The following TMPRSS11E variants were observed in gnomAD, a reference collection of about 807,000 sequenced individuals.
The protein encoded by TMPRSS11E is transmembrane protease serine 11E.
A neutral mutation model predicts 48.1 loss-of-function variants in TMPRSS11E; 38 were observed. The observed-to-expected ratio is 0.79, with a 90% confidence interval of 0.61 to 1.04. The LOEUF (loss-of-function observed/expected upper bound fraction) is 1.04. TMPRSS11E is among the 50% of genes least tolerant of loss of function. The pLI is 0.00. For synonymous variants in TMPRSS11E, 158 were observed against 171.9 expected (o/e 0.92, Z 0.63); for missense variants, 530 against 510.8 (o/e 1.04, Z -0.36).
intron 1 of TMPRSS11E, among the ~76,000 whole-genome samples, chr4:68,452,872 T>C (rs893520476): frequency 6.6e-6 from 1 of 151,970 alleles, no homozygotes; most frequent in Admixed American, 6.6e-5. Context: ...AAAAACAGGG[T>C]AATGAATTCT....
intron 1 of TMPRSS11E, among the ~76,000 whole-genome samples, chr4:68,448,802 A>C (rs1399247521): frequency 6.6e-6 from 1 of 151,882 alleles, no homozygotes; most frequent in Non-Finnish European, 1.5e-5. Context: ...CCTGATCTGA[A>C]GATTGTATGA....
In TMPRSS11E at chr4:68,471,582, T is replaced by C. The variant is rs1729071785; in HGVS notation, c.449T>C (p.Val150Ala). The change falls in exon 5 of 10, where the codon GTA (valine) becomes GCA (alanine). Residue 150 changes from valine (V) to alanine (A), a missense_variant. By Grantham distance (64) the Val-to-Ala change is moderately conservative (BLOSUM62 0). Coordinates refer to ENST00000305363, the MANE Select transcript of TMPRSS11E (RefSeq NM_014058.4). ...TTACATGAAAAGCTGCAAGATGCTG[T>C]AGGACCCCCTAAAGTAGATCCTCAC... ...LVLHEKLQDA[V>A]GPPKVDPHSV... 6.2e-7 allele frequency: 1 copy of C among 1,609,180 alleles called. No individual in the cohort carries two copies. Among genetic ancestry groups the C allele is most frequent in the African/African-American group, 1.3e-5 (1 of 74,580 alleles).
Position 68,496,747 on chromosome 4 carries a change from T to A in TMPRSS11E, c.1215T>A (p.Gly405=). 1 of 1,613,684 alleles carries A rather than the reference T, an allele frequency of 6.2e-7. No homozygotes were observed. The highest frequency in any genetic ancestry group is 8.5e-7 in the Non-Finnish European group (1 of 1,179,684). ...AATGTGCGAAACCCAACAAGCCTGG[T>A]GTTTATACTAGAGTTACGGCCTTGC... ...GDECAKPNKP[G]VYTRVTALRD... Residue 405 remains glycine (G), a synonymous_variant, in exon 10 of 10, where the codon GGT becomes GGA. Coordinates refer to ENST00000305363, the MANE Select transcript of TMPRSS11E (RefSeq NM_014058.4).
At chr4:68,466,036 C>A (rs1206386263) in intron 2 of TMPRSS11E, among the ~76,000 whole-genome samples, 1 of 152,120 alleles carries the variant, frequency 6.6e-6, no homozygotes, top group Non-Finnish European at 1.5e-5. Context: ...CATGCAGTGA[C>A]AAGGGACCCA....
rs555552582 is a variant in TMPRSS11E at position 68,473,652 on chromosome 4, T to C, written c.491-1071T>C. On this transcript the variant is annotated intron_variant, in intron 5 of 9. Transcript: ENST00000305363. ...TCAAGTGAGCAATAGCAGAGCATTG[T>C]ACCAAGCACAAGGCCATTGTGAGTG... Among the ~76,000 whole-genome samples, 9 of 152,234 alleles carry C rather than the reference T, an allele frequency of 5.9e-5. No individual in the cohort carries two copies. In the East Asian group the frequency reaches 1.7e-3, roughly 29 times the overall value.
intron 9 of TMPRSS11E, among the ~76,000 whole-genome samples, chr4:68,480,715 C>A (rs1407582193): frequency 6.6e-6 from 1 of 151,980 alleles, no homozygotes; most frequent in Non-Finnish European, 1.5e-5. Context: ...ATATGCTGAG[C>A]ATCTAATTAT....
intron 2 of TMPRSS11E, among the ~76,000 whole-genome samples, chr4:68,464,102 A>G (rs1013057304): frequency 3.9e-5 from 6 of 152,216 alleles, no homozygotes; most frequent in African/African-American, 1.2e-4. Flanking sequence ...CTGCCCACAC[A>G]GTACACCTGA....
At chr4:68,460,567 A>C (rs1728761019) in intron 1 of TMPRSS11E, among the ~76,000 whole-genome samples, 1 of 152,176 alleles carries the variant, frequency 6.6e-6, no homozygotes, top group Non-Finnish European at 1.5e-5. Flanking sequence ...CCAGGAGAAT[A>C]CCATGTTTTC....
At chr4:68,455,261 TTAATTAGGA>T (rs1312699847) in intron 1 of TMPRSS11E, among the ~76,000 whole-genome samples, 1 of 151,938 alleles carries the variant, frequency 6.6e-6, no homozygotes, top group Non-Finnish European at 1.5e-5. Context: ...ATGCTGAATT[TTAATTAGGA>T]TATGTAACTT....
chr4:68,461,071 C>A (rs547178928), intron 1 of TMPRSS11E, among the ~76,000 whole-genome samples: 1 of 151,926 alleles, frequency 6.6e-6, no homozygotes, highest in African/African-American at 2.4e-5. Flanking sequence ...TTAGTAGAGA[C>A]GGGGTTTCAC....
At chr4:68,457,207 A>C (rs1054540764) in intron 1 of TMPRSS11E, among the ~76,000 whole-genome samples, 3 of 152,244 alleles carry the variant, frequency 2.0e-5, no homozygotes, top group Non-Finnish European at 4.4e-5. Context: ...ATTTACAAGA[A>C]GAAAACAACC....
chr4:68,465,035 G>C (rs1308870417), intron 2 of TMPRSS11E, among the ~76,000 whole-genome samples: 5 of 152,172 alleles, frequency 3.3e-5, no homozygotes, highest in Non-Finnish European at 7.3e-5. Flanking sequence ...AAATGTAGTA[G>C]AACAGTAGTT....
chr4:68,455,322 T>C (rs529463068), intron 1 of TMPRSS11E, among the ~76,000 whole-genome samples: 3 of 152,046 alleles, frequency 2.0e-5, no homozygotes, highest in East Asian at 1.9e-4. Flanking sequence ...TGGATGAAAA[T>C]TGAAGACCAT....
intron 9 of TMPRSS11E, among the ~76,000 whole-genome samples, chr4:68,495,427 A>G (rs1474740479): frequency 6.6e-6 from 1 of 151,976 alleles, no homozygotes. Context: ...TTATTATCAA[A>G]ATTATTTATT....
intron 7 of TMPRSS11E, among the ~76,000 whole-genome samples, chr4:68,476,733 G>A (rs1729229465): frequency 6.6e-6 from 1 of 152,190 alleles, no homozygotes; most frequent in African/African-American, 2.4e-5. Context: ...AAACAGGAGT[G>A]CTCTATCTCT....
At chr4:68,494,242 A>C (rs1219589130) in intron 9 of TMPRSS11E, among the ~76,000 whole-genome samples, 1 of 151,956 alleles carries the variant, frequency 6.6e-6, no homozygotes, top group African/African-American at 2.4e-5. Flanking sequence ...ACCTACTTCA[A>C]AGTGATTTCT....
Sources: allele counts gnomAD v4.1 joint callset (sites outside exome capture counted in the v4.1 genomes callset), GRCh38; gene constraint gnomAD v4.1.1; transcripts MANE v1.5; gene names NCBI Gene and HGNC (gene_info 2026-07-23, HGNC 2026-07-21).